Variants in WRN observed in about 807,000 individuals in gnomAD.
WRN encodes WRN RecQ like helicase.
A neutral mutation model predicts 180.7 loss-of-function variants in WRN; 149 were observed. The ratio of observed to expected loss-of-function variants is 0.82; its 90% CI spans 0.72 to 0.94. WRN has a LOEUF of 0.94. Among genes scored for constraint, WRN ranks in the 40% least tolerant of loss-of-function variants. The probability of loss-of-function intolerance (pLI) is 0.00; values close to 1 mark genes in which losing one functional copy is unlikely to be tolerated. For synonymous variants in WRN, 548 were observed against 568.9 expected (o/e 0.96, Z 0.52); for missense variants, 1,661 against 1,700.1 (o/e 0.98, Z 0.40).
Position 31,116,664 on chromosome 8 carries a change from A to G in WRN, c.2448+136A>G, listed in dbSNP as rs1010696096. 4.0e-6 allele frequency: 5 copies of G among 1,245,332 alleles called. No homozygotes were observed. In the Admixed American group the frequency reaches 7.7e-5, roughly 19 times the overall value. The allele number at this position is 1,245,332 out of a possible 1,614,324, so 77.1% of individuals were successfully genotyped here. ...GCAGTCCCTCTGATAAATGTGGGAGAACAAACTTGCAGATTAGTATAAATA... is the reference window on the plus strand; with the variant it reads ...GCAGTCCCTCTGATAAATGTGGGAGGACAAACTTGCAGATTAGTATAAATA... On this transcript the variant is annotated intron_variant, in intron 20 of 34. Coordinates refer to ENST00000298139, the MANE Select transcript of WRN (RefSeq NM_000553.6).
intron 34 of WRN, among the ~76,000 whole-genome samples, chr8:31,168,133 A>G (rs1006666062): frequency 6.6e-6 from 1 of 152,140 alleles, no homozygotes; most frequent in African/African-American, 2.4e-5. Context: ...TACTTGAGTT[A>G]CGTCTGTATA....
rs182384158 is a variant in WRN, at chr8:31,057,526, G to A, written c.-76-846G>A. 8.0e-3 allele frequency among the ~76,000 whole-genome samples: 1,210 copies of A among 152,150 alleles called. 20 individuals are homozygous for A. The highest frequency in any genetic ancestry group is 0.028 in the African/African-American group (1,175 of 41,486). On this transcript the variant is annotated intron_variant, in intron 1 of 34. Coordinates refer to ENST00000298139, the MANE Select transcript of WRN (RefSeq NM_000553.6). ...GCAGATCTTGCAGAGAGCTGAGATC[G>A]TGCCACTGCACTCCAGCCTGGGCGA... is the stretch of plus-strand genomic sequence containing the variant.
intron 18 of WRN, among the ~76,000 whole-genome samples, chr8:31,103,573 G>T (rs933015558): frequency 9.0e-5 from 11 of 122,076 alleles, no homozygotes; most frequent in African/African-American, 3.2e-4. Context: ...TTTTTCGGTG[G>T]TCTGTTCCTT....
At chr8:31,068,479 C>A in intron 7 of WRN, 152 bp downstream of exon 7, 1 of 643,032 alleles carries the variant, frequency 1.6e-6, no homozygotes, top group Non-Finnish European at 2.7e-6. Context: ...CCATCAGGGC[C>A]CAAGATGAGT....
chr8:31,126,839 C>G (rs1366103739), intron 23 of WRN, among the ~76,000 whole-genome samples: 1 of 152,056 alleles, frequency 6.6e-6, no homozygotes, highest in Admixed American at 6.5e-5. Flanking sequence ...AAACTTCTAA[C>G]AAGACTGACG....
Position 31,141,413 on chromosome 8 carries a change from T to C in WRN, c.2968-17T>C. The C allele has an allele frequency of 6.2e-7, 1 of 1,613,946 alleles. No individual in the cohort carries two copies. Among genetic ancestry groups the C allele is most frequent in the Non-Finnish European group, 8.5e-7 (1 of 1,180,014 alleles). ...TAAATTAGCATTTTTAGATACTGAT[T>C]TTATTCCTAATTTCAGAATTCTCAG... On this transcript the variant is annotated splice_polypyrimidine_tract_variant and intron_variant, in intron 24 of 34. Transcript: ENST00000298139.
intron 1 of WRN, among the ~76,000 whole-genome samples, chr8:31,055,342 A>T (rs984383425): frequency 2.6e-5 from 4 of 152,178 alleles, no homozygotes; most frequent in Non-Finnish European, 4.4e-5. Flanking sequence ...ACAATGGTTG[A>T]ACTAGTTTAC....
chr8:31,084,676 C>T (rs746314018), intron 10 of WRN, among the ~76,000 whole-genome samples: 4 of 152,104 alleles, frequency 2.6e-5, no homozygotes, highest in Non-Finnish European at 4.4e-5. Context: ...ATCTCTGACA[C>T]TATTTTTCAA....
intron 6 of WRN, among the ~76,000 whole-genome samples, chr8:31,067,802 TTTA>T (rs1421530308): frequency 6.6e-6 from 1 of 152,188 alleles, no homozygotes; most frequent in African/African-American, 2.4e-5. Flanking sequence ...AGATGAATAT[TTTA>T]TTGTTTCTCC....
chr8:31,109,163 A>G (rs1801208547), intron 18 of WRN, among the ~76,000 whole-genome samples: 1 of 152,224 alleles, frequency 6.6e-6, no homozygotes, highest in Admixed American at 6.5e-5. Context: ...GCAACATGCA[A>G]GAATAAGTTT....
rs781741264 is a variant in WRN, at chr8:31,132,509, A to G, written c.2967+3A>G. 1 of 1,614,122 alleles carries G rather than the reference A, an allele frequency of 6.2e-7. No homozygotes were observed. The highest frequency in any genetic ancestry group is 8.5e-7 in the Non-Finnish European group (1 of 1,180,022). On this transcript the variant is annotated splice_donor_region_variant and intron_variant, in intron 24 of 34. Transcript: ENST00000298139. ...CAATTTTATTTCTCCGAGGATCTGT[A>G]AGTATATATCTGTGAATTCCCTTCA...
At chr8:31,105,165 C>T (rs577808883) in intron 18 of WRN, among the ~76,000 whole-genome samples, 15 of 152,248 alleles carry the variant, frequency 9.9e-5, no homozygotes, top group African/African-American at 1.4e-4. Flanking sequence ...GAAAATCAAA[C>T]CATGTGAATT....
At chr8:31,042,079 G>A (rs530845591) in intron 1 of WRN, among the ~76,000 whole-genome samples, 28 of 152,306 alleles carry the variant, frequency 1.8e-4, no homozygotes, top group African/African-American at 5.8e-4. Flanking sequence ...CCAGTTAGAT[G>A]AAAAGATTGT....
At chr8:31,058,607 G>A (rs971099690) in intron 2 of WRN, 64 bp downstream of exon 2, 113 of 1,522,124 alleles carry the variant, frequency 7.4e-5, no homozygotes, top group Non-Finnish European at 9.6e-5. Context: ...TGTGCAAAGA[G>A]TCAGTTGTTA....
At chr8:31,125,189 T>C (rs1801871894) in intron 23 of WRN, among the ~76,000 whole-genome samples, 189 bp downstream of exon 23, 1 of 151,918 alleles carries the variant, frequency 6.6e-6, no homozygotes, top group Non-Finnish European at 1.5e-5. Flanking sequence ...AATAAAATGG[T>C]AGCCCTAAAT....
chr8:31,093,402 A>AGTT (rs754133241), intron 16 of WRN, among the ~76,000 whole-genome samples: 27 of 151,936 alleles, frequency 1.8e-4, no homozygotes, highest in Admixed American at 2.6e-4. Context: ...CACCTGATGC[A>AGTT]GTTGTTGTTG....
intron 1 of WRN, among the ~76,000 whole-genome samples, chr8:31,047,410 G>A (rs543578354): frequency 4.6e-5 from 7 of 152,218 alleles, no homozygotes; most frequent in South Asian, 4.1e-4. Context: ...TTGCTGGCAC[G>A]TACCACTACA....
At chr8:31,060,611 T>C (rs1812452957) in intron 3 of WRN, among the ~76,000 whole-genome samples, 1 of 152,192 alleles carries the variant, frequency 6.6e-6, no homozygotes, top group African/African-American at 2.4e-5. Flanking sequence ...CTGGTATAGA[T>C]ATAAGCTAGA....
At chr8:31,062,342 C>A (rs182933658) in intron 3 of WRN, among the ~76,000 whole-genome samples, 19 of 151,390 alleles carry the variant, frequency 1.3e-4, no homozygotes, top group Non-Finnish European at 2.6e-4. Flanking sequence ...CAAGTATCAA[C>A]AACAATAGAT....
Sources: gnomAD v4.1 joint callset for allele counts (sites outside exome capture counted in the v4.1 genomes callset) on GRCh38, gnomAD v4.1.1 for gene constraint, MANE v1.5 for transcripts, NCBI Gene and HGNC (gene_info 2026-07-23, HGNC 2026-07-21) for gene names.